ASTN2: variants seen among roughly 807,000 people sequenced by gnomAD.
ASTN2 encodes the protein astrotactin-2.
ASTN2 carries 54 observed loss-of-function variants against 139.8 expected under a neutral mutation model. That is an observed-to-expected ratio of 0.39 (90% CI 0.31 to 0.48). The LOEUF (loss-of-function observed/expected upper bound fraction) is 0.48. ASTN2 is among the 20% of genes least tolerant of loss of function. The pLI is 0.95. For missense variants in ASTN2, 1,565 were observed against 1,725.1 expected (o/e 0.91, Z 1.64); for synonymous variants, 756 against 719.5 (o/e 1.05, Z -0.81).
chr9:117,263,738 G>A (rs917940219), intron 2 of ASTN2, among the ~76,000 whole-genome samples: 10 of 152,090 alleles, frequency 6.6e-5, no homozygotes, highest in African/African-American at 2.4e-4. Flanking sequence ...ACTACCCTGT[G>A]GTTAATCTTC....
intron 17 of ASTN2, among the ~76,000 whole-genome samples, chr9:116,648,451 G>C (rs1857722933): frequency 6.6e-6 from 1 of 152,050 alleles, no homozygotes; most frequent in Non-Finnish European, 1.5e-5. Context: ...TTATTTATTG[G>C]AATCTGCAAT....
intron 10 of ASTN2, among the ~76,000 whole-genome samples, chr9:116,907,121 G>T (rs1397853956): frequency 6.6e-6 from 1 of 152,160 alleles, no homozygotes; most frequent in East Asian, 1.9e-4. Flanking sequence ...GATTCAAAGG[G>T]CTTAAGAGAA....
intron 3 of ASTN2, among the ~76,000 whole-genome samples, chr9:117,165,709 A>C (rs1830655921): frequency 6.6e-6 from 1 of 152,080 alleles, no homozygotes; most frequent in Non-Finnish European, 1.5e-5. Context: ...GCAAAATGTC[A>C]TCCTCTTTCT....
At chr9:117,240,267 A>T (rs1027020350) in intron 2 of ASTN2, among the ~76,000 whole-genome samples, 3 of 152,086 alleles carry the variant, frequency 2.0e-5, no homozygotes, top group Non-Finnish European at 4.4e-5. Flanking sequence ...CTTCCTCATA[A>T]ATTTGTGACA....
chr9:117,410,878 C>T (rs942115306), intron 1 of ASTN2, among the ~76,000 whole-genome samples: 5 of 152,188 alleles, frequency 3.3e-5, no homozygotes, highest in Admixed American at 2.0e-4. Context: ...TGTCATTTAA[C>T]TCATATTTCA....
Position 117,014,958 on chromosome 9 carries a change from T to C in ASTN2, c.1424-6699A>G, listed in dbSNP as rs370376768. ...GCTTAAGCAACTCAGGCTATGAAAC[T>C]TTTTTCTTTATGGCAGCCCTAGCAA... On this transcript the variant is annotated intron_variant, in intron 6 of 22. Coordinates refer to ENST00000313400, the MANE Select transcript of ASTN2 (RefSeq NM_001365068.1). 1.8e-4 allele frequency among the ~76,000 whole-genome samples: 27 copies of C among 152,310 alleles called. No individual in the cohort carries two copies. The East Asian group carries it at 5.0e-3, about 28-fold the overall frequency.
chr9:117,266,633 A>G (rs1238994653), intron 2 of ASTN2, among the ~76,000 whole-genome samples: 4 of 152,208 alleles, frequency 2.6e-5, no homozygotes, highest in African/African-American at 9.7e-5. Context: ...ACCTGCAAAA[A>G]AATAAGTTGC....
intron 5 of ASTN2, among the ~76,000 whole-genome samples, chr9:117,067,050 C>T (rs376864465): frequency 5.7e-5 from 5 of 88,216 alleles, no homozygotes; most frequent in African/African-American, 8.2e-5. Context: ...GTTGCCATTG[C>T]TTTTGGTGTT....
intron 22 of ASTN2, among the ~76,000 whole-genome samples, chr9:116,431,818 A>C (rs1355117121): frequency 6.6e-6 from 1 of 152,186 alleles, no homozygotes; most frequent in Non-Finnish European, 1.5e-5. Flanking sequence ...GGGTGACAGG[A>C]GGATAGGGCG....
intron 20 of ASTN2, among the ~76,000 whole-genome samples, chr9:116,449,732 A>T (rs1362335928): frequency 1.3e-5 from 2 of 152,112 alleles, no homozygotes; most frequent in East Asian, 3.9e-4. Context: ...TTGCTTACTG[A>T]AACATTCTCA....
chr9:116,481,598 C>A (rs1849170993), intron 20 of ASTN2, among the ~76,000 whole-genome samples: 1 of 152,176 alleles, frequency 6.6e-6, no homozygotes, highest in African/African-American at 2.4e-5. Context: ...GATAACCCTT[C>A]ACACGTGTAC....
At chr9:117,406,753 TC>T (rs1344116455) in intron 1 of ASTN2, among the ~76,000 whole-genome samples, 1 of 152,106 alleles carries the variant, frequency 6.6e-6, no homozygotes, top group Non-Finnish European at 1.5e-5. Flanking sequence ...CTCAGAACTC[TC>T]GATTCTCTTT....
chr9:116,728,931 T>A (rs1218680934), intron 15 of ASTN2, 61 bp downstream of exon 15: 4 of 1,390,596 alleles, frequency 2.9e-6, no homozygotes, highest in Admixed American at 2.0e-5. Context: ...ACATGCTAGG[T>A]CCTTGGCAAC....
At chr9:116,595,332 C>CTGCTGT (rs1854520135) in intron 19 of ASTN2, among the ~76,000 whole-genome samples, 1 of 151,390 alleles carries the variant, frequency 6.6e-6, no homozygotes, top group African/African-American at 2.4e-5. Flanking sequence ...CTTGTTGTTG[C>CTGCTGT]TGTTGTTGTT....
chr9:117,100,279 G>C (rs1184815206), intron 4 of ASTN2, among the ~76,000 whole-genome samples: 1 of 152,056 alleles, frequency 6.6e-6, no homozygotes, highest in East Asian at 1.9e-4. Flanking sequence ...TTCCCTTCTT[G>C]TAAGTACTAA....
At chr9:117,334,134 G>A (rs1828800079) in intron 1 of ASTN2, among the ~76,000 whole-genome samples, 1 of 152,168 alleles carries the variant, frequency 6.6e-6, no homozygotes, top group Admixed American at 6.6e-5. Flanking sequence ...CATAAAAAAG[G>A]GGTGTGGCTA....
At chr9:116,873,881 C>T (rs1833228625) in intron 10 of ASTN2, among the ~76,000 whole-genome samples, 1 of 152,170 alleles carries the variant, frequency 6.6e-6, no homozygotes, top group Non-Finnish European at 1.5e-5. Flanking sequence ...CCCCCTTCCC[C>T]TTCTATCATG....
intron 16 of ASTN2, among the ~76,000 whole-genome samples, chr9:116,660,951 T>C (rs1338095504): frequency 6.6e-6 from 1 of 152,098 alleles, no homozygotes; most frequent in East Asian, 1.9e-4. Context: ...TCCTACAAAG[T>C]AGGGATTGTT....
chr9:116,928,042 C>T (rs138326860), intron 10 of ASTN2, among the ~76,000 whole-genome samples: 3 of 152,146 alleles, frequency 2.0e-5, no homozygotes, highest in Non-Finnish European at 2.9e-5. Context: ...TCTCATGACA[C>T]TCCACAGCTT....
Sources: gnomAD v4.1 joint callset for allele counts (sites outside exome capture counted in the v4.1 genomes callset) on GRCh38, gnomAD v4.1.1 for gene constraint, MANE v1.5 for transcripts, NCBI Gene and HGNC (gene_info 2026-07-23, HGNC 2026-07-21) for gene names.